Variants in SGK2 observed in about 807,000 individuals in gnomAD.
SGK2 encodes the protein serum/glucocorticoid regulated kinase 2.
Under a neutral mutation model 47.5 loss-of-function variants are expected in SGK2, and 36 were observed. The ratio of observed to expected loss-of-function variants is 0.76; its 90% confidence interval spans 0.58 to 1.00. SGK2 has a LOEUF of 1.00. SGK2 is among the 50% of genes least tolerant of loss of function. SGK2 has a pLI of 0.00. For synonymous variants in SGK2, 157 were observed against 181.9 expected, an observed-to-expected ratio of 0.86 and a Z score of 1.10; for missense variants, 404 against 467.4, an observed-to-expected ratio of 0.86 and a Z score of 1.25.
chr20:43,576,149 C>T, intron 10 of SGK2, 75 bp from the exon 11 acceptor site: 10 of 1,564,876 alleles, frequency 6.4e-6, no homozygotes, highest in Admixed American at 1.7e-5. Context: ...CAGCCGCCCA[C>T]CTTGCTCCAA....
At position 43,580,304 on chromosome 20, in the gene SGK2, T is replaced by C. The variant is rs2301482; in HGVS notation, c.939+243T>C. ...AAATAACTCTGGCTGCAGAGACTTT[T>C]ACAGTTTGTGAAGTGCTCTGTTTCG... On this transcript the variant is annotated intron_variant, in intron 12 of 12. Coordinates refer to ENST00000373100, the MANE Select transcript of SGK2 (RefSeq NM_170693.3). 6.1e-3 allele frequency among the ~76,000 whole-genome samples: 924 copies of C among 152,332 alleles called. 15 individuals are homozygous for C. The East Asian group carries it at 0.068, about 11-fold the overall frequency.
intron 1 of SGK2, 26 bp from the exon 2 acceptor site, chr20:43,566,447 A>T (rs765222284): frequency 1.2e-6 from 2 of 1,613,056 alleles, no homozygotes; most frequent in Non-Finnish European, 1.7e-6. Context: ...CAACTCTCTC[A>T]TGCCTGCTCC....
rs548126301 is a variant in SGK2 at position 43,577,831 on chromosome 20, G to C, written c.849+1452G>C. Reference sequence around the variant, plus strand: ...GCTAATTTTGTATTTTTTTAGTAGAGACGGGGTTTCACTATGTTGGACAGG... The same window carrying C: ...GCTAATTTTGTATTTTTTTAGTAGACACGGGGTTTCACTATGTTGGACAGG... On this transcript the variant is annotated intron_variant, in intron 11 of 12. Coordinates refer to ENST00000373100, the MANE Select transcript of SGK2 (RefSeq NM_170693.3). 1.6e-3 allele frequency among the ~76,000 whole-genome samples: 243 copies of C among 152,018 alleles called. 1 individual carries two copies. The highest frequency in any genetic ancestry group is 5.3e-3 in the African/African-American group (219 of 41,460).
At chr20:43,579,898 A>G (rs1980685826) in intron 11 of SGK2, 74 bp from the exon 12 acceptor site, 20 of 886,048 alleles carry the variant, frequency 2.3e-5, no homozygotes, top group Non-Finnish European at 1.9e-6. Flanking sequence ...GCTCTGGAGG[A>G]TGTGGGGGTG....
chr20:43,577,368 T>C (rs1367725978), intron 11 of SGK2, among the ~76,000 whole-genome samples: 7 of 146,666 alleles, frequency 4.8e-5, no homozygotes, highest in African/African-American at 1.0e-4. Context: ...TTTTTTTTTT[T>C]CCGAGACAGA....
rs6103382 is a variant in SGK2 at position 43,559,365 on chromosome 20, C to T, written c.-24+206C>T. Among the ~76,000 whole-genome samples the T allele has an allele frequency of 8.8e-3, 1,342 of 152,220 alleles. 17 individuals carry two copies. The highest frequency in any genetic ancestry group is 0.031 in the African/African-American group (1,271 of 41,520). ...TCTCAGCTGCCTAATTTTCTTCCTC[C>T]TTAACTAACCAACTTACATCCTCAC... On this transcript the variant is annotated intron_variant, in intron 1 of 12. Transcript: ENST00000373100.
Position 43,584,861 on chromosome 20 carries a change from G to T in SGK2, c.949G>T (p.Ala317Ser). The change falls in exon 13 of 13, where the codon GCT becomes TCT. Residue 317 changes from alanine (A) to serine (S), a missense_variant. Transcript: ENST00000373100. ...TGGCTTTTATTGACAGACAGGACCTGCTGACTTGAAGCATTTTGACCCAGA... is the reference window on the plus strand; with the variant it reads ...TGGCTTTTATTGACAGACAGGACCTTCTGACTTGAAGCATTTTGACCCAGA... ...PPFNPNVTGP[A>S]DLKHFDPEFT... 9 of 1,613,750 alleles carry T rather than the reference G, an allele frequency of 5.6e-6. No individual in the cohort carries two copies. Among genetic ancestry groups the T allele is most frequent in the African/African-American group, 1.3e-5 (1 of 75,026 alleles).
Position 43,585,134 on chromosome 20 carries a change from T to C in SGK2, c.*118T>C, listed in dbSNP as rs970192033. On this transcript the variant is annotated 3_prime_UTR_variant, in exon 13 of 13. Coordinates refer to ENST00000373100, the MANE Select transcript of SGK2 (RefSeq NM_170693.3). ...TTCAACGAGAAGCAGGTTTATTTTT[T>C]CCAGCACATAAAAGAAAAATAATGT... The C allele has an allele frequency of 1.0e-6, 1 of 992,092 alleles. No homozygotes were observed. Among genetic ancestry groups the C allele is most frequent in the Admixed American group, 2.5e-5 (1 of 40,410 alleles). 61.5% of individuals were successfully genotyped at this position (992,092 alleles called of 1,614,324 possible). A position where few individuals can be genotyped will look rare whatever the true frequency, so the allele number is the denominator to read the frequency against.
intron 12 of SGK2, 46 bp downstream of exon 12, chr20:43,580,107 G>C: frequency 8.6e-6 from 11 of 1,282,536 alleles, no homozygotes; most frequent in Non-Finnish European, 1.2e-5. Flanking sequence ...GGGGCTGGGG[G>C]AGCTTGCTAT....
intron 5 of SGK2, 74 bp from the exon 6 acceptor site, chr20:43,569,311 T>C: frequency 1.9e-6 from 3 of 1,574,462 alleles, no homozygotes; most frequent in Non-Finnish European, 2.6e-6. Context: ...ACCCACAAGC[T>C]TATATGGGCT....
chr20:43,579,542 A>T (rs750352133), intron 11 of SGK2, among the ~76,000 whole-genome samples: 2 of 152,082 alleles, frequency 1.3e-5, no homozygotes, highest in Non-Finnish European at 2.9e-5. Flanking sequence ...TTATTTTTCA[A>T]ACCTTCCCTA....
chr20:43,578,217 G>C (rs1980582601), intron 11 of SGK2, among the ~76,000 whole-genome samples: 1 of 152,084 alleles, frequency 6.6e-6, no homozygotes, highest in South Asian at 2.1e-4. Context: ...AGGTGCAGTG[G>C]CTCACATCTG....
intron 5 of SGK2, 90 bp downstream of exon 5, chr20:43,568,089 G>A: frequency 9.8e-7 from 1 of 1,023,694 alleles, no homozygotes; most frequent in Non-Finnish European, 1.5e-6. Context: ...CCTCTGACAG[G>A]TCCATGGGCC....
At chr20:43,559,435 G>A (rs768199817) in intron 1 of SGK2, among the ~76,000 whole-genome samples, 2 of 151,364 alleles carry the variant, frequency 1.3e-5, no homozygotes, top group African/African-American at 2.4e-5. Context: ...GCTTTCTATT[G>A]TCTTCCTGAA....
intron 12 of SGK2, among the ~76,000 whole-genome samples, chr20:43,581,343 T>A (rs966955643): frequency 2.0e-5 from 3 of 152,178 alleles, no homozygotes; most frequent in Non-Finnish European, 4.4e-5. Context: ...CTGCATAATA[T>A]TTCCATCTTA....
At chr20:43,568,260 GTCT>G (rs1278935342) in intron 5 of SGK2, among the ~76,000 whole-genome samples, 3 of 152,184 alleles carry the variant, frequency 2.0e-5, no homozygotes, top group Non-Finnish European at 4.4e-5. Context: ...CGATGGACAA[GTCT>G]TCTGCCTGCT....
Position 43,585,150 on chromosome 20 carries a change from A to C in SGK2, c.*134A>C. The C allele has an allele frequency of 1.2e-6, 1 of 850,360 alleles. No homozygotes were observed. The highest frequency in any genetic ancestry group is 1.8e-6 in the Non-Finnish European group (1 of 558,818). The allele number at this position is 850,360 out of a possible 1,614,324, so 52.7% of individuals were successfully genotyped here. On this transcript the variant is annotated 3_prime_UTR_variant, in exon 13 of 13. Transcript: ENST00000373100. ...TTTATTTTTTCCAGCACATAAAAGA[A>C]AAATAATGTTTCGGAGTCCAGGACT...
intron 12 of SGK2, chr20:43,583,398 C>A (rs2145562479): frequency 8.2e-7 from 1 of 1,224,914 alleles, no homozygotes; most frequent in African/African-American, 1.6e-5. Flanking sequence ...GTATCATTTT[C>A]TTCTACAGTC....
chr20:43,570,784 T>TA, intron 7 of SGK2, 55 bp downstream of exon 7: 1 of 1,417,676 alleles, frequency 7.1e-7, no homozygotes, highest in Non-Finnish European at 9.9e-7. Context: ...CTCCAACAGC[T>TA]AGGGGTTGTG....
Sources: gnomAD v4.1 joint callset for allele counts (sites outside exome capture counted in the v4.1 genomes callset) on GRCh38, gnomAD v4.1.1 for gene constraint, MANE v1.5 for transcripts, NCBI Gene and HGNC (gene_info 2026-07-23, HGNC 2026-07-21) for gene names.